Variants in TPMT observed in about 807,000 individuals in gnomAD.
The protein encoded by TPMT is S-adenosyl-L-methionine:thiopurine S-methyltransferase.
Under a neutral mutation model 34.2 loss-of-function variants are expected in TPMT, and 18 were observed. That is an observed-to-expected ratio of 0.53 (90% confidence interval 0.36 to 0.78). The LOEUF (loss-of-function observed/expected upper bound fraction) is 0.78. Ranked by LOEUF, TPMT falls within the 30% of genes least tolerant of loss-of-function variation. The pLI, the probability that TPMT is intolerant of heterozygous loss-of-function variation, is 0.00. For missense variants in TPMT, 265 were observed against 288.1 expected (o/e 0.92, Z 0.58); for synonymous variants, 69 against 92.4 (o/e 0.75, Z 1.45).
rs549516028 is a variant in TPMT, at chr6:18,136,564, C to A, written c.494+2399G>T. Among the ~76,000 whole-genome samples the A allele has an allele frequency of 7.2e-5, 11 of 152,274 alleles. No homozygotes were observed. The highest frequency in any genetic ancestry group is 1.3e-4 in the Non-Finnish European group (9 of 68,024). The stretch of plus-strand genomic sequence containing the variant: ...GTGGCTTACACCTCTAATCCCAGCA[C>A]CGGGTGGCCGAGGCGGGTGGATCAG... On this transcript the variant is annotated intron_variant, in intron 6 of 8. Coordinates refer to ENST00000309983, the MANE Select transcript of TPMT (RefSeq NM_000367.5). This position sits in a 1 kb window ranked among gnomAD's most constrained non-coding sequence, Gnocchi z 4.7.
In TPMT at chr6:18,130,549, G is replaced by T. The variant is rs1476508702; in HGVS notation, c.*119C>A. 8.2e-6 allele frequency: 6 copies of T among 730,780 alleles called. No individual in the cohort carries two copies. The East Asian group carries it at 1.4e-4, about 17-fold the overall frequency. 45.3% of individuals were successfully genotyped at this position (730,780 alleles called of 1,614,324 possible). A position where few individuals can be genotyped will look rare whatever the true frequency, so the allele number is the denominator to read the frequency against. ...TTACTAAAAAGCCATTTTTAGTAAA[G>T]ATCTATCATATGATTTATAAACAAT... On this transcript the variant is annotated 3_prime_UTR_variant, in exon 9 of 9. Transcript: ENST00000309983. The surrounding 1 kb of genome is among the most constrained non-coding windows in gnomAD (Gnocchi z 4.2).
In TPMT at chr6:18,149,471, GTT is replaced by G. The variant is rs538361641; in HGVS notation, c.-44-302_-44-301del. On this transcript the variant is annotated intron_variant, in intron 1 of 8. Transcript: ENST00000309983. This position sits in a 1 kb window ranked among gnomAD's most constrained non-coding sequence, Gnocchi z 5.0. ...ATGCCCAGCTAATCTTTCTTTCCTT[GTT>G]TTTTTTTTTTTCAGAGACAAGGTCT... Among the ~76,000 whole-genome samples, 2 of 140,404 alleles carry G rather than the reference GTT, an allele frequency of 1.4e-5. No individual in the cohort carries two copies. Among genetic ancestry groups the G allele is most frequent in the African/African-American group, 2.6e-5 (1 of 38,428 alleles). 92.1% of individuals were successfully genotyped at this position (140,404 alleles called of 152,430 possible).
chr6:18,130,471 AAGTTT>A lies in TPMT; in HGVS notation c.*192_*196del. 1 of 533,388 alleles carries A rather than the reference AAGTTT, an allele frequency of 1.9e-6. No homozygotes were observed. Among genetic ancestry groups the A allele is most frequent in the Non-Finnish European group, 3.4e-6 (1 of 296,302 alleles). The allele number at this position is 533,388 out of a possible 1,614,324, so 33.0% of individuals were successfully genotyped here. A position where few individuals can be genotyped will look rare whatever the true frequency, so the allele number is the denominator to read the frequency against. On this transcript the variant is annotated 3_prime_UTR_variant, in exon 9 of 9. Transcript: ENST00000309983. The surrounding 1 kb of genome is among the most constrained non-coding windows in gnomAD (Gnocchi z 4.2). ...CTCCTCTCCAAAGGAGCTACTTTAA[AAGTTT>A]AGTTACATCTTTTTCTTCTAAAACT... is the stretch of plus-strand genomic sequence containing the variant.
chr6:18,148,871 G>T lies in TPMT; in HGVS notation c.140+117C>A. 2 of 1,480,188 alleles carry T rather than the reference G, an allele frequency of 1.4e-6. No individual in the cohort carries two copies. Among genetic ancestry groups the T allele is most frequent in the Non-Finnish European group, 9.4e-7 (1 of 1,069,006 alleles). The allele number at this position is 1,480,188 out of a possible 1,614,324, so 91.7% of individuals were successfully genotyped here. ...ACTGTGACTCGGGAGACACAAAAAT[G>T]TGAAGAATTAAATGTGCATCCTAAA... On this transcript the variant is annotated intron_variant, in intron 2 of 8. Coordinates refer to ENST00000309983, the MANE Select transcript of TPMT (RefSeq NM_000367.5). The surrounding 1 kb of genome is among the most constrained non-coding windows in gnomAD (Gnocchi z 4.1).
At chr6:18,133,157 T>A (rs905129883) in intron 7 of TPMT, among the ~76,000 whole-genome samples, 5 of 152,032 alleles carry the variant, frequency 3.3e-5, no homozygotes, top group Non-Finnish European at 5.9e-5. Context: ...AACAAGCATG[T>A]TAAAAAGCTC....
At chr6:18,142,181 G>C (rs1041087566) in intron 4 of TPMT, among the ~76,000 whole-genome samples, 2 of 151,950 alleles carry the variant, frequency 1.3e-5, no homozygotes, top group African/African-American at 4.8e-5. Context: ...ACTAAAGAGA[G>C]AGCTGTTTTA....
intron 6 of TPMT, among the ~76,000 whole-genome samples, chr6:18,134,104 G>C (rs909577165): frequency 6.6e-6 from 1 of 152,184 alleles, no homozygotes; most frequent in African/African-American, 2.4e-5. Flanking sequence ...GTCCAGATGG[G>C]AATCAAATCG....
chr6:18,152,069 A>G (rs1189209195), intron 1 of TPMT, among the ~76,000 whole-genome samples: 13 of 152,142 alleles, frequency 8.5e-5, no homozygotes, highest in Non-Finnish European at 1.5e-4. Flanking sequence ...AAGTTGAGAA[A>G]AGGATCTGGG....
rs1784106309 is a variant in TPMT at position 18,139,649 on chromosome 6, G to A, written c.419+16C>T. The A allele has an allele frequency of 6.2e-7, 1 of 1,608,108 alleles. No individual in the cohort carries two copies. The highest frequency in any genetic ancestry group is 8.5e-7 in the Non-Finnish European group (1 of 1,174,750). On this transcript the variant is annotated intron_variant, in intron 5 of 8. Transcript: ENST00000309983. The surrounding 1 kb of genome is among the most constrained non-coding windows in gnomAD (Gnocchi z 4.2). ...CATTCAAATTTTTTAAAGTGCAGAT[G>A]TAGTATTCAACCTACCTGGGAAGAT...
At chr6:18,133,688 G>A (rs1222601887) in intron 7 of TPMT, 116 bp downstream of exon 7, 3 of 754,608 alleles carry the variant, frequency 4.0e-6, no homozygotes, top group African/African-American at 1.8e-5. Flanking sequence ...ATGTATATAT[G>A]CAGTATGCTT....
Position 18,130,866 on chromosome 6 carries a change from C to G in TPMT, c.626-86G>C. The G allele has an allele frequency of 2.8e-6, 3 of 1,089,898 alleles. No homozygotes were observed. Among genetic ancestry groups the G allele is most frequent in the Non-Finnish European group, 4.2e-6 (3 of 721,804 alleles). The allele number at this position is 1,089,898 out of a possible 1,614,324, so 67.5% of individuals were successfully genotyped here. A position where few individuals can be genotyped will look rare whatever the true frequency, so the allele number is the denominator to read the frequency against. ...AAAAATACTCAAAATTGGCTGGGTGCGGTGGCTCACACCTGTAATCCCAAC... is the reference window on the plus strand; with the variant it reads ...AAAAATACTCAAAATTGGCTGGGTGGGGTGGCTCACACCTGTAATCCCAAC... On this transcript the variant is annotated intron_variant, in intron 8 of 8. Coordinates refer to ENST00000309983, the MANE Select transcript of TPMT (RefSeq NM_000367.5). The surrounding 1 kb of genome is among the most constrained non-coding windows in gnomAD (Gnocchi z 4.2).
At chr6:18,134,469 G>T (rs893274571) in intron 6 of TPMT, among the ~76,000 whole-genome samples, 1 of 145,790 alleles carries the variant, frequency 6.9e-6, no homozygotes, top group Admixed American at 7.0e-5. Context: ...GCCAAAAAAA[G>T]GTGGCATGAA....
intron 7 of TPMT, among the ~76,000 whole-genome samples, chr6:18,133,323 T>G (rs1783982300): frequency 6.6e-6 from 1 of 152,170 alleles, no homozygotes; most frequent in South Asian, 2.1e-4. Context: ...ATGCAATAGA[T>G]AGATTATAAA....
chr6:18,144,728 A>AT (rs34488655), intron 3 of TPMT, among the ~76,000 whole-genome samples: 9 of 149,218 alleles, frequency 6.0e-5, no homozygotes, highest in South Asian at 2.1e-4. Flanking sequence ...CTCAAAAAAA[A>AT]TTTTTTTTTT....
At position 18,148,990 on chromosome 6, in the gene TPMT, A is replaced by T; in HGVS notation, c.138T>A (p.His46Gln). 1 of 1,613,546 alleles carries T rather than the reference A, an allele frequency of 6.2e-7. No individual in the cohort carries two copies. Among genetic ancestry groups the T allele is most frequent in the Non-Finnish European group, 8.5e-7 (1 of 1,179,916 alleles). Residue 46 changes from histidine (H) to glutamine (Q), a missense_variant and splice_region_variant, in exon 2 of 9, where the codon CAT (histidine) becomes CAA (glutamine). His to Gln is a conservative substitution (Grantham distance 24). Coordinates refer to ENST00000309983, the MANE Select transcript of TPMT (RefSeq NM_000367.5). The surrounding 1 kb of genome is among the most constrained non-coding windows in gnomAD (Gnocchi z 4.1). Reference protein sequence around the residue: ...GKTAFHQEQGHQLLKKHLDTF... With the variant: ...GKTAFHQEQGQQLLKKHLDTF... ...ATTGTATACCAAATATTTCTTACTG[A>T]TGTCCTTGTTCCTGATGAAAAGCAG... is the stretch of plus-strand genomic sequence containing the variant.
In TPMT at chr6:18,130,525, T is replaced by C. The variant is rs1482296921; in HGVS notation, c.*143A>G. On this transcript the variant is annotated 3_prime_UTR_variant, in exon 9 of 9. Coordinates refer to ENST00000309983, the MANE Select transcript of TPMT (RefSeq NM_000367.5). This position sits in a 1 kb window ranked among gnomAD's most constrained non-coding sequence, Gnocchi z 4.2. ...CTTTTTTAGAAAAAGTAAATGGCTT[T>C]ACTAAAAAGCCATTTTTAGTAAAGA... The C allele has an allele frequency of 1.6e-6, 1 of 631,840 alleles. No individual in the cohort carries two copies. The highest frequency in any genetic ancestry group is 1.9e-5 in the African/African-American group (1 of 53,986). The allele number at this position is 631,840 out of a possible 1,614,324, so 39.1% of individuals were successfully genotyped here.
At position 18,143,465 on chromosome 6, in the gene TPMT, A is replaced by G. The variant is rs746841296; in HGVS notation, c.366+131T>C. On this transcript the variant is annotated intron_variant, in intron 4 of 8. Coordinates refer to ENST00000309983, the MANE Select transcript of TPMT (RefSeq NM_000367.5). The surrounding 1 kb of genome is among the most constrained non-coding windows in gnomAD (Gnocchi z 6.1). ...TTTAAGCCCTTGCTTCTTATACTATATAGTATCTACAGTGAATCTGCGTGC... is the reference window on the plus strand; with the variant it reads ...TTTAAGCCCTTGCTTCTTATACTATGTAGTATCTACAGTGAATCTGCGTGC... The G allele has an allele frequency of 1.2e-5, 14 of 1,185,700 alleles. No homozygotes were observed. The Admixed American group carries it at 2.2e-4, about 19-fold the overall frequency. 73.4% of individuals were successfully genotyped at this position (1,185,700 alleles called of 1,614,324 possible).
chr6:18,143,563 T>A lies in TPMT; in HGVS notation c.366+33A>T, dbSNP rs749113622. 1 of 1,611,450 alleles carries A rather than the reference T, an allele frequency of 6.2e-7. No individual in the cohort carries two copies. Among genetic ancestry groups the A allele is most frequent in the African/African-American group, 1.3e-5 (1 of 74,854 alleles). On this transcript the variant is annotated intron_variant, in intron 4 of 8. Coordinates refer to ENST00000309983, the MANE Select transcript of TPMT (RefSeq NM_000367.5). The surrounding 1 kb of genome is among the most constrained non-coding windows in gnomAD (Gnocchi z 6.1). ...ACTGAGAAAAACTTTTGTGGGGATATGGATACAATTATTTACCCAAATCAA... is the reference window on the plus strand; with the variant it reads ...ACTGAGAAAAACTTTTGTGGGGATAAGGATACAATTATTTACCCAAATCAA...
At position 18,139,535 on chromosome 6, in the gene TPMT, G is replaced by A; in HGVS notation, c.419+130C>T. 1.3e-6 allele frequency: 1 copy of A among 783,444 alleles called. No homozygotes were observed. Among genetic ancestry groups the A allele is most frequent in the Non-Finnish European group, 2.2e-6 (1 of 448,676 alleles). The allele number at this position is 783,444 out of a possible 1,614,324, so 48.5% of individuals were successfully genotyped here. On this transcript the variant is annotated intron_variant, in intron 5 of 8. Coordinates refer to ENST00000309983, the MANE Select transcript of TPMT (RefSeq NM_000367.5). The surrounding 1 kb of genome is among the most constrained non-coding windows in gnomAD (Gnocchi z 4.2). ...GTGTAATAAAAATATCTGCAGAACAGACATTCAAAAAAATGCTTTGTGGAT... is the reference window on the plus strand; with the variant it reads ...GTGTAATAAAAATATCTGCAGAACAAACATTCAAAAAAATGCTTTGTGGAT...
Sources: allele counts gnomAD v4.1 joint callset (sites outside exome capture counted in the v4.1 genomes callset), GRCh38; gene constraint gnomAD v4.1.1; non-coding constraint Gnocchi (gnomAD v3.1); transcripts MANE v1.5; gene names NCBI Gene and HGNC (gene_info 2026-07-23, HGNC 2026-07-21).